Variants in CSMD1 observed in about 807,000 individuals in gnomAD.
CSMD1 encodes CUB and Sushi multiple domains 1, also known as CUB and sushi domain-containing protein 1.
A neutral mutation model predicts 417.5 loss-of-function variants in CSMD1; 213 were observed. That is an observed-to-expected ratio of 0.51 (90% CI 0.46 to 0.57). The LOEUF is 0.57. Among genes scored for constraint, CSMD1 ranks in the 20% least tolerant of loss-of-function variants. CSMD1 has a pLI of 0.00. For missense variants in CSMD1, 6,923 were observed against 4,529.7 expected (o/e 1.53, Z -15.17); for synonymous variants, 2,862 against 1,736.8 (o/e 1.65, Z -16.11).
intron 3 of CSMD1, among the ~76,000 whole-genome samples, chr8:4,261,890 A>T (rs530492265): frequency 7.9e-5 from 12 of 152,354 alleles, no homozygotes; most frequent in African/African-American, 2.2e-4. Flanking sequence ...GTTAAAAAGT[A>T]GATGTGGAAC....
Position 4,145,932 on chromosome 8 carries a change from G to T in CSMD1, c.416-113833C>A, listed in dbSNP as rs750063669. On this transcript the variant is annotated intron_variant, in intron 3 of 69. Coordinates refer to ENST00000635120, the MANE Select transcript of CSMD1 (RefSeq NM_033225.6). ...TGGCACATGATTGGCCCCATTGTTT[G>T]TAAGACTGACCACGCTGTTTCTTGT... Among the ~76,000 whole-genome samples the T allele has an allele frequency of 4.0e-5, 6 of 151,030 alleles. 1 individual carries two copies. Among genetic ancestry groups the T allele is most frequent in the African/African-American group, 1.5e-4 (6 of 40,412 alleles).
intron 3 of CSMD1, among the ~76,000 whole-genome samples, chr8:4,306,327 C>G (rs1363584832): frequency 6.6e-6 from 1 of 152,192 alleles, no homozygotes; most frequent in Non-Finnish European, 1.5e-5. Flanking sequence ...ATCCTTCCAT[C>G]ATCACCATTT....
intron 7 of CSMD1, among the ~76,000 whole-genome samples, chr8:3,705,312 G>C (rs528373826): frequency 2.6e-5 from 4 of 152,190 alleles, no homozygotes; most frequent in Non-Finnish European, 5.9e-5. Flanking sequence ...CCTTGGAGCA[G>C]AGACAGCTTC....
At chr8:3,926,714 C>CTTTTTTTTTTT (rs56721822) in intron 5 of CSMD1, among the ~76,000 whole-genome samples, 3 of 103,496 alleles carry the variant, frequency 2.9e-5, no homozygotes, top group African/African-American at 7.9e-5. Flanking sequence ...AAATTGACAC[C>CTTTTTTTTTTT]TTTTTTTTTT....
chr8:4,254,331 C>T (rs1803292882), intron 3 of CSMD1, among the ~76,000 whole-genome samples: 1 of 152,096 alleles, frequency 6.6e-6, no homozygotes, highest in African/African-American at 2.4e-5. Context: ...AACATTCGTT[C>T]TATGGAGAGT....
intron 3 of CSMD1, among the ~76,000 whole-genome samples, chr8:4,402,759 G>A (rs1438753201): frequency 6.8e-6 from 1 of 147,504 alleles, no homozygotes; most frequent in East Asian, 2.0e-4. Context: ...CATCTGTACT[G>A]AATGCCCTTG....
At chr8:3,988,369 AG>A (rs1814492863) in intron 5 of CSMD1, among the ~76,000 whole-genome samples, 1 of 152,218 alleles carries the variant, frequency 6.6e-6, no homozygotes, top group Non-Finnish European at 1.5e-5. Flanking sequence ...TTCAGTTTGG[AG>A]GAAAACCTGA....
intron 41 of CSMD1, among the ~76,000 whole-genome samples, chr8:3,124,646 T>G (rs984788239): frequency 7.9e-5 from 12 of 152,148 alleles, no homozygotes; most frequent in African/African-American, 2.9e-4. Context: ...TCTCCTAAAG[T>G]GTGTGCCCCT....
chr8:4,027,937 A>C (rs1056217946), intron 4 of CSMD1, among the ~76,000 whole-genome samples: 1 of 152,318 alleles, frequency 6.6e-6, no homozygotes. Context: ...AATGGTAGAA[A>C]TAAGGAAGAA....
chr8:3,262,812 A>T (rs576960221), intron 26 of CSMD1, among the ~76,000 whole-genome samples: 55 of 152,356 alleles, frequency 3.6e-4, no homozygotes, highest in African/African-American at 1.0e-3. Context: ...TACCTATTAA[A>T]CATAAGTAAA....
chr8:3,919,077 G>A (rs936033325), intron 5 of CSMD1, among the ~76,000 whole-genome samples: 6 of 151,108 alleles, frequency 4.0e-5, no homozygotes, highest in African/African-American at 1.5e-4. Flanking sequence ...CATTCCATAG[G>A]GTGATTTTTC....
intron 3 of CSMD1, among the ~76,000 whole-genome samples, chr8:4,105,642 A>T (rs1054357295): frequency 6.6e-6 from 1 of 152,216 alleles, no homozygotes; most frequent in African/African-American, 2.4e-5. Flanking sequence ...TTGGAGTAGC[A>T]GGTGGAACGT....
In CSMD1 at chr8:4,424,756, C is replaced by G. The variant is rs150355968; in HGVS notation, c.303-4691G>C. Among the ~76,000 whole-genome samples the G allele has an allele frequency of 9.1e-4, 138 of 152,100 alleles. 1 individual carries two copies. Among genetic ancestry groups the G allele is most frequent in the East Asian group, 2.9e-3 (15 of 5,154 alleles). ...GAAATGCTCATGATGGGAAACTGTC[C>G]CTATCTTCACCATAATGCATCAATA... On this transcript the variant is annotated intron_variant, in intron 2 of 69. Transcript: ENST00000635120.
chr8:4,049,810 G>T, intron 3 of CSMD1, among the ~76,000 whole-genome samples: 1 of 151,682 alleles, frequency 6.6e-6, no homozygotes, highest in East Asian at 1.9e-4. Context: ...AGCTTTGTAT[G>T]GACATTTCTT....
chr8:3,676,243 A>G (rs1365310954), intron 7 of CSMD1, among the ~76,000 whole-genome samples: 1 of 152,186 alleles, frequency 6.6e-6, no homozygotes, highest in Non-Finnish European at 1.5e-5. Context: ...GGGGTCAGAC[A>G]TGTACAGTTT....
At chr8:4,642,763 G>A (rs1261711817) in intron 1 of CSMD1, among the ~76,000 whole-genome samples, 1 of 152,206 alleles carries the variant, frequency 6.6e-6, no homozygotes, top group Admixed American at 6.5e-5. Context: ...AATTACTTGG[G>A]TAATGCTTTA....
chr8:3,378,122 G>T (rs995436482), intron 18 of CSMD1, among the ~76,000 whole-genome samples: 1 of 152,208 alleles, frequency 6.6e-6, no homozygotes, highest in African/African-American at 2.4e-5. Context: ...TAAGAAGAGA[G>T]GAAGACATTC....
At chr8:3,856,430 A>C (rs1254052090) in intron 5 of CSMD1, among the ~76,000 whole-genome samples, 2 of 152,184 alleles carry the variant, frequency 1.3e-5, no homozygotes, top group African/African-American at 4.8e-5. Flanking sequence ...ATAGCAATGC[A>C]AGAACAGACG....
intron 1 of CSMD1, among the ~76,000 whole-genome samples, chr8:4,918,480 A>T (rs73507989): frequency 0.018 from 2,745 of 152,218 alleles, 81 homozygotes; most frequent in African/African-American, 0.063. Context: ...CTTTCTGCAC[A>T]ATGTGTATGT....
Sources: allele counts gnomAD v4.1 joint callset (sites outside exome capture counted in the v4.1 genomes callset), GRCh38; gene constraint gnomAD v4.1.1; transcripts MANE v1.5; gene names NCBI Gene and HGNC (gene_info 2026-07-23, HGNC 2026-07-21).